OTOG: variants seen among roughly 807,000 people sequenced by gnomAD.
OTOG encodes otogelin.
Under a neutral mutation model 313.8 loss-of-function variants are expected in OTOG, and 296 were observed. That is an observed-to-expected ratio of 0.94 (90% CI 0.86 to 1.04). The LOEUF (loss-of-function observed/expected upper bound fraction) is 1.04. Ranked by LOEUF, OTOG falls within the 50% of genes least tolerant of loss-of-function variation. The pLI is 0.00. For missense variants in OTOG, 3,948 were observed against 3,840.1 expected, an observed-to-expected ratio of 1.03 and a Z score of -0.74; for synonymous variants, 1,533 against 1,554.9, an observed-to-expected ratio of 0.99 and a Z score of 0.33.
At chr11:17,580,033 A>G (rs1188054149) in intron 23 of OTOG, among the ~76,000 whole-genome samples, 1 of 152,230 alleles carries the variant, frequency 6.6e-6, no homozygotes, top group Non-Finnish European at 1.5e-5. Flanking sequence ...TAGGGCTCCC[A>G]AAGATGCCCA....
intron 15 of OTOG, among the ~76,000 whole-genome samples, chr11:17,564,111 A>G (rs896394468): frequency 1.3e-5 from 2 of 152,062 alleles, no homozygotes; most frequent in African/African-American, 4.8e-5. Context: ...ACCTTGGGCC[A>G]GCTCTCCTCC....
intron 11 of OTOG, 79 bp downstream of exon 11, chr11:17,559,240 C>T (rs888996571): frequency 8.9e-7 from 1 of 1,128,620 alleles, no homozygotes; most frequent in Non-Finnish European, 1.2e-6. Context: ...AATGTCTTGT[C>T]CTGCTCAGAA....
chr11:17,559,779 G>T, intron 12 of OTOG, 117 bp downstream of exon 12: 1 of 849,050 alleles, frequency 1.2e-6, no homozygotes. Context: ...AAGGAGGGAG[G>T]GAGGGAGGGA....
rs1361584138 is a variant in OTOG at position 17,574,778 on chromosome 11, C to A, written c.2352C>A (p.Thr784=). Residue 784 remains threonine (T), a synonymous_variant, in exon 20 of 56, where the codon ACC becomes ACA. Coordinates refer to ENST00000399397, the MANE Select transcript of OTOG (RefSeq NM_001292063.2). ...YSPCVAPCGR[T]CQDLASPEAC... is the part of the protein sequence containing the mutation. ...CCTGCGTGGCCCCGTGTGGACGTAC[C>A]TGCCAGGACCTGGCCAGCCCTGAGG... 2 of 1,550,558 alleles carry A rather than the reference C, an allele frequency of 1.3e-6. No homozygotes were observed. The highest frequency in any genetic ancestry group is 1.7e-6 in the Non-Finnish European group (2 of 1,146,964).
chr11:17,595,376 C>G (rs7121988), intron 28 of OTOG, among the ~76,000 whole-genome samples: 25 of 152,222 alleles, frequency 1.6e-4, no homozygotes, highest in Non-Finnish European at 2.8e-4. Flanking sequence ...CAGCAGACAT[C>G]GGAAACATCT....
chr11:17,607,534 A>G (rs1853418790), intron 33 of OTOG, among the ~76,000 whole-genome samples: 1 of 152,252 alleles, frequency 6.6e-6, no homozygotes, highest in African/African-American at 2.4e-5. Context: ...TGGGGGTAAT[A>G]ATAGCGCCTA....
In OTOG at chr11:17,559,645, G is replaced by C. The variant is rs1852135576; in HGVS notation, c.1325G>C (p.Gly442Ala). The C allele has an allele frequency of 2.6e-6, 4 of 1,550,642 alleles. No homozygotes were observed. The highest frequency in any genetic ancestry group is 3.5e-6 in the Non-Finnish European group (4 of 1,147,058). ...GACAGTGAGATCGCCTGTGTGGACG[G>C]CTGCTATTGCCCCAATGGTATGCTA... ...CVDSEIACVD[G>A]CYCPNGLIFE... The change falls in exon 12 of 56, where the codon GGC becomes GCC. Residue 442 changes from glycine to alanine, a missense_variant. By Grantham distance (60) the Gly-to-Ala change is moderately conservative. Transcript: ENST00000399397.
chr11:17,633,004 A>G (rs1002610013), intron 42 of OTOG, among the ~76,000 whole-genome samples: 1 of 152,256 alleles, frequency 6.6e-6, no homozygotes, highest in African/African-American at 2.4e-5. Context: ...TTGCTCATAG[A>G]AAGTTTAGGT....
intron 23 of OTOG, among the ~76,000 whole-genome samples, chr11:17,578,911 C>T (rs1287654763): frequency 6.6e-6 from 1 of 152,218 alleles, no homozygotes. Flanking sequence ...CTCTCAACCT[C>T]TTCCTCTGCA....
Position 17,646,002 on chromosome 11 carries a change from C to T in OTOG, c.*58C>T, listed in dbSNP as rs1848069222. ...TGCCAGCCCCACTTTCTGTTTCCAG[C>T]TGGCCCAATGTGAATGGGGGTATTA... On this transcript the variant is annotated 3_prime_UTR_variant, in exon 56 of 56. Coordinates refer to ENST00000399397, the MANE Select transcript of OTOG (RefSeq NM_001292063.2). 1 of 1,507,276 alleles carries T rather than the reference C, an allele frequency of 6.6e-7. No individual in the cohort carries two copies. The highest frequency in any genetic ancestry group is 8.9e-7 in the Non-Finnish European group (1 of 1,117,334). The allele number at this position is 1,507,276 out of a possible 1,614,324, so 93.4% of individuals were successfully genotyped here.
In OTOG at chr11:17,635,670, A is replaced by G. The variant is rs552317443; in HGVS notation, c.7754A>G (p.His2585Arg). 3.5e-5 allele frequency: 54 copies of G among 1,550,592 alleles called. No individual in the cohort carries two copies. In the African/African-American group the frequency reaches 6.1e-4, roughly 18 times the overall value. The change falls in exon 47 of 56, where the codon CAC becomes CGC. Residue 2585 changes from histidine (H) to arginine (R), a missense_variant. His to Arg is a conservative substitution (Grantham distance 29). Transcript: ENST00000399397. ...ECQEGEALTV[H>R]RNTTELCCPL... ...CAAGAAGGGGAGGCGCTCACTGTGC[A>G]CAGGAATACCACGGAACTCTGCTGC...
intron 4 of OTOG, 96 bp from the exon 5 acceptor site, chr11:17,553,023 A>C: frequency 9.0e-7 from 1 of 1,110,154 alleles, no homozygotes; most frequent in Non-Finnish European, 1.3e-6. Context: ...GCTGCCTGTT[A>C]TGGGGGTCTG....
chr11:17,593,653 G>C lies in OTOG; in HGVS notation c.3185G>C (p.Trp1062Ser). The C allele has an allele frequency of 6.5e-7, 1 of 1,549,140 alleles. No homozygotes were observed. Among genetic ancestry groups the C allele is most frequent in the Non-Finnish European group, 8.7e-7 (1 of 1,146,984 alleles). Residue 1062 changes from tryptophan to serine, a missense_variant, in exon 27 of 56, where the codon TGG becomes TCG. Coordinates refer to ENST00000399397, the MANE Select transcript of OTOG (RefSeq NM_001292063.2). Reference protein sequence around the residue: ...FLDDKQEVHTWRVGFFTLVHF... With the variant: ...FLDDKQEVHTSRVGFFTLVHF... Reference sequence around the variant, plus strand: ...GATGACAAGCAGGAGGTCCACACATGGCGAGTGGGATTTTTCACACTGGTG... The same window carrying C: ...GATGACAAGCAGGAGGTCCACACATCGCGAGTGGGATTTTTCACACTGGTG...
Position 17,591,719 on chromosome 11 carries a change from A to G in OTOG, c.3006+131A>G, listed in dbSNP as rs1852942998. The G allele has an allele frequency of 1.6e-5, 19 of 1,220,638 alleles. No homozygotes were observed. In the South Asian group the frequency reaches 2.8e-4, roughly 18 times the overall value. 75.6% of individuals were successfully genotyped at this position (1,220,638 alleles called of 1,614,324 possible). On this transcript the variant is annotated intron_variant, in intron 25 of 55. Transcript: ENST00000399397. The stretch of plus-strand genomic sequence containing the variant: ...AGCCCTGAGGTGGGGCTATCTAGAG[A>G]CTGGAAGAAGTGCTGAGGCACAAGC...
In OTOG at chr11:17,573,375, G is replaced by T. The variant is rs979527145; in HGVS notation, c.2293+85G>T. 4 of 1,368,516 alleles carry T rather than the reference G, an allele frequency of 2.9e-6. No homozygotes were observed. The Admixed American group carries it at 7.2e-5, about 25-fold the overall frequency. 84.8% of individuals were successfully genotyped at this position (1,368,516 alleles called of 1,614,324 possible). The stretch of plus-strand genomic sequence containing the variant: ...CCCCTGCCCCTGAAAGTCTCCACTG[G>T]GATGCCCTCCAGTCTCCTCCAGCCT... On this transcript the variant is annotated intron_variant, in intron 19 of 55. Transcript: ENST00000399397.
Position 17,547,442 on chromosome 11 carries a change from G to C in OTOG, c.70G>C (p.Glu24Gln). ...VWLPWGEQAA[E>Q]SLRVQRLAAA... ...GCTGCCCTGGGGTGAGCAGGCAGCC[G>C]AGTCCCTGCGGGTGCAGCGCCTCGG... is the stretch of plus-strand genomic sequence containing the variant. Residue 24 changes from glutamate (E) to glutamine (Q), a missense_variant, in exon 1 of 56, where the codon GAG (glutamate) becomes CAG (glutamine). By Grantham distance (29) the Glu-to-Gln change is conservative. Coordinates refer to ENST00000399397, the MANE Select transcript of OTOG (RefSeq NM_001292063.2). 7.2e-7 allele frequency: 1 copy of C among 1,388,418 alleles called. No homozygotes were observed. Among genetic ancestry groups the C allele is most frequent in the Non-Finnish European group, 9.3e-7 (1 of 1,076,450 alleles). The allele number at this position is 1,388,418 out of a possible 1,614,324, so 86.0% of individuals were successfully genotyped here.
intron 19 of OTOG, 109 bp downstream of exon 19, chr11:17,573,399 C>T: frequency 8.5e-7 from 1 of 1,180,158 alleles, no homozygotes; most frequent in South Asian, 1.6e-5. Context: ...CTCCTCCAGC[C>T]TGACTGCACC....
intron 34 of OTOG, 49 bp downstream of exon 34, chr11:17,608,462 G>C: frequency 2.4e-6 from 3 of 1,271,808 alleles, no homozygotes; most frequent in Non-Finnish European, 3.2e-6. Context: ...GTGCACTAGT[G>C]TGTGTGTGCA....
intron 15 of OTOG, 97 bp from the exon 16 acceptor site, chr11:17,569,059 C>T (rs910857596): frequency 3.2e-5 from 44 of 1,391,432 alleles, no homozygotes; most frequent in African/African-American, 2.0e-4. Flanking sequence ...GAAACTGTCT[C>T]TCAAGCTGGG....
Sources: gnomAD v4.1 joint callset for allele counts (sites outside exome capture counted in the v4.1 genomes callset) on GRCh38, gnomAD v4.1.1 for gene constraint, MANE v1.5 for transcripts, NCBI Gene and HGNC (gene_info 2026-07-23, HGNC 2026-07-21) for gene names.